Variants in KMT2B observed in about 807,000 individuals in gnomAD.
The protein encoded by KMT2B is lysine methyltransferase 2B.
A neutral mutation model predicts 255.3 loss-of-function variants in KMT2B; 22 were observed. That is an observed-to-expected ratio of 0.09 (90% CI 0.06 to 0.12). The LOEUF is 0.12. Ranked by LOEUF, KMT2B falls within the 10% of genes least tolerant of loss-of-function variation. The probability of loss-of-function intolerance (pLI) is 1.00; values close to 1 mark genes in which losing one functional copy is unlikely to be tolerated. For synonymous variants in KMT2B, 1,730 were observed against 1,498.1 expected (o/e 1.15, Z -3.57); for missense variants, 3,149 against 3,737.0 (o/e 0.84, Z 4.10).
Position 35,722,432 on chromosome 19 carries a change from C to G in KMT2B, c.2531C>G (p.Ser844Cys), listed in dbSNP as rs1276973211. ...ATCTCCGACAGAGGCCCTGTCCGGTCTGAAGATGAGTCGGTGGAAGCTAAG... is the reference window on the plus strand; with the variant it reads ...ATCTCCGACAGAGGCCCTGTCCGGTGTGAAGATGAGTCGGTGGAAGCTAAG... Reference protein sequence around the residue: ...KQISDRGPVRSEDESVEAKRE... With the variant: ...KQISDRGPVRCEDESVEAKRE... Residue 844 changes from serine to cysteine, a missense_variant, in exon 4 of 37, where the codon TCT becomes TGT. Ser to Cys is a moderately radical substitution (Grantham distance 112). Around this residue, in one of 18 missense-constraint regions of KMT2B, gnomAD observed 1,188 missense variants for 1,106.4 expected, o/e 1.07. Coordinates refer to ENST00000420124, the MANE Select transcript of KMT2B (RefSeq NM_014727.3). The G allele has an allele frequency of 4.3e-6, 7 of 1,610,480 alleles. No individual in the cohort carries two copies. Among genetic ancestry groups the G allele is most frequent in the Non-Finnish European group, 5.9e-6 (7 of 1,179,832 alleles).
In KMT2B at chr19:35,727,538, C is replaced by T. The variant is rs770838599; in HGVS notation, c.4218C>T (p.Ser1406=). 43 of 1,608,212 alleles carry T rather than the reference C, an allele frequency of 2.7e-5. No individual in the cohort carries two copies. The highest frequency in any genetic ancestry group is 4.0e-5 in the African/African-American group (3 of 74,892). Residue 1406 remains serine, a synonymous_variant, in exon 16 of 37, where the codon AGC becomes AGT. Transcript: ENST00000420124. The surrounding 1 kb of genome is among the most constrained non-coding windows in gnomAD (Gnocchi z 4.2). ...AAQPRWREAL[S]GALQGGLRQV... ...AGCCCCGCTGGCGAGAGGCCCTGAG[C>T]GGGGCCCTCCAGGGGGGCCTGCGCC...
At chr19:35,734,685 CTGATGGACTCCT>C (rs2146474685) in intron 30 of KMT2B, among the ~76,000 whole-genome samples, 1 of 152,270 alleles carries the variant, frequency 6.6e-6, no homozygotes, top group East Asian at 1.9e-4. Flanking sequence ...GGAGGCTTGG[CTGATGGACTCCT>C]TGAAGCTGGC....
rs887912561 is a variant in KMT2B, at chr19:35,733,392, G to A, written c.6843G>A (p.Val2281=). The change falls in exon 28 of 37, where the codon GTG becomes GTA. Residue 2281 remains valine (V), a synonymous_variant. Transcript: ENST00000420124. The surrounding 1 kb of genome is among the most constrained non-coding windows in gnomAD (Gnocchi z 4.3). The stretch of plus-strand genomic sequence containing the variant: ...GCCAGGCCATCCGCGTCAAGAGGGT[G>A]TCCACTTTCTCCGGCCGGTCCCCGC... ...PPRQAIRVKR[V]STFSGRSPPA... The A allele has an allele frequency of 5.2e-6, 8 of 1,550,222 alleles. No individual in the cohort carries two copies. The highest frequency in any genetic ancestry group is 5.2e-6 in the Non-Finnish European group (6 of 1,146,906).
rs1391340202 is a variant in KMT2B, at chr19:35,728,795, G to A, written c.4593G>A (p.Val1531=). The part of the protein sequence containing the change: ...RLPNGVLPNA[V]LPPSLDHVYA... Reference sequence around the variant, plus strand: ...ACAGCGGAGTCCTTCCCAATGCGGTGTTGCCCCCATCCCTGGATCATGTCT... The same window carrying A: ...ACAGCGGAGTCCTTCCCAATGCGGTATTGCCCCCATCCCTGGATCATGTCT... The change falls in exon 20 of 37, where the codon GTG becomes GTA. Residue 1531 remains valine, a synonymous_variant. Coordinates refer to ENST00000420124, the MANE Select transcript of KMT2B (RefSeq NM_014727.3). The A allele has an allele frequency of 6.2e-6, 10 of 1,613,912 alleles. No individual in the cohort carries two copies. The highest frequency in any genetic ancestry group is 4.4e-5 in the South Asian group (4 of 91,088).
In KMT2B at chr19:35,737,292, T is replaced by A; in HGVS notation, c.7550+29T>A. On this transcript the variant is annotated intron_variant, in intron 33 of 36. Coordinates refer to ENST00000420124, the MANE Select transcript of KMT2B (RefSeq NM_014727.3). This position sits in a 1 kb window ranked among gnomAD's most constrained non-coding sequence, Gnocchi z 5.3. ...AGAGGTCTGGGGTGTGATGCCTGGGTCAGGGCGCCCCTATGAGAGCTCTTG... is the reference window on the plus strand; with the variant it reads ...AGAGGTCTGGGGTGTGATGCCTGGGACAGGGCGCCCCTATGAGAGCTCTTG... 1 of 1,470,762 alleles carries A rather than the reference T, an allele frequency of 6.8e-7. No individual in the cohort carries two copies. Among genetic ancestry groups the A allele is most frequent in the Non-Finnish European group, 9.0e-7 (1 of 1,111,518 alleles). 91.1% of individuals were successfully genotyped at this position (1,470,762 alleles called of 1,614,324 possible).
rs557429530 is a variant in KMT2B at position 35,732,963 on chromosome 19, G to A, written c.6414G>A (p.Pro2138=). The change falls in exon 28 of 37, where the codon CCG becomes CCA. Residue 2138 remains proline (P), a synonymous_variant. Transcript: ENST00000420124. ...GCCCTAGAGAGGAGTCACTCCCCCC[G>A]GCGCCTCCCCTGGCTAATGGCAGCC... ...GAGPREESLP[P]APPLANGSQP... 8.1e-6 allele frequency: 13 copies of A among 1,604,800 alleles called. No homozygotes were observed. The highest frequency in any genetic ancestry group is 4.0e-5 in the African/African-American group (3 of 74,894).
At position 35,733,273 on chromosome 19, in the gene KMT2B, G is replaced by A. The variant is rs368273689; in HGVS notation, c.6724G>A (p.Val2242Met). ...TCTGCCCCCAGGCCCCCTCCTCGGC[G>A]TGCTGCCCGTGGTCGGAGTGGTCCG... ...WTLPPGPLLG[V>M]LPVVGVVRPA... Residue 2242 changes from valine to methionine, a missense_variant, in exon 28 of 37, where the codon GTG (valine) becomes ATG (methionine). This residue lies in a region of KMT2B where 897 missense variants were observed against 825.3 expected (regional missense o/e 1.09). Transcript: ENST00000420124. This position sits in a 1 kb window ranked among gnomAD's most constrained non-coding sequence, Gnocchi z 4.3. The A allele has an allele frequency of 4.8e-5, 71 of 1,470,160 alleles. No homozygotes were observed. Among genetic ancestry groups the A allele is most frequent in the Admixed American group, 1.2e-4 (6 of 49,180 alleles). 91.1% of individuals were successfully genotyped at this position (1,470,160 alleles called of 1,614,324 possible).
Position 35,733,427 on chromosome 19 carries a change from C to T in KMT2B, c.6878C>T (p.Pro2293Leu). The T allele has an allele frequency of 6.4e-7, 1 of 1,555,310 alleles. No homozygotes were observed. The highest frequency in any genetic ancestry group is 8.7e-7 in the Non-Finnish European group (1 of 1,149,694). The change falls in exon 28 of 37, where the codon CCC becomes CTC. Residue 2293 changes from proline (P) to leucine (L), a missense_variant. Pro to Leu is a moderately conservative substitution (Grantham distance 98). Around this residue, in one of 18 missense-constraint regions of KMT2B, gnomAD observed 897 missense variants for 825.3 expected, o/e 1.09. Coordinates refer to ENST00000420124, the MANE Select transcript of KMT2B (RefSeq NM_014727.3). This position sits in a 1 kb window ranked among gnomAD's most constrained non-coding sequence, Gnocchi z 4.3. ...TFSGRSPPAP[P>L]PYKAPRLDED... Reference sequence around the variant, plus strand: ...TCCGGCCGGTCCCCGCCAGCACCTCCCCCATACAAAGCCCCCCGGCTGGAT... The same window carrying T: ...TCCGGCCGGTCCCCGCCAGCACCTCTCCCATACAAAGCCCCCCGGCTGGAT...
Position 35,730,623 on chromosome 19 carries a change from G to A in KMT2B, c.5276+7G>A, listed in dbSNP as rs764651237. On this transcript the variant is annotated splice_region_variant and intron_variant, in intron 25 of 36. Coordinates refer to ENST00000420124, the MANE Select transcript of KMT2B (RefSeq NM_014727.3). ...TCTTCCCCATTGGCTACCAGTGAGC[G>A]GTCGGGGTGATCCATGGGGCCAGGG... 1.9e-5 allele frequency: 30 copies of A among 1,613,822 alleles called. No homozygotes were observed. Among genetic ancestry groups the A allele is most frequent in the East Asian group, 4.5e-5 (2 of 44,884 alleles).
At position 35,725,548 on chromosome 19, in the gene KMT2B, C is replaced by T. The variant is rs1259921278; in HGVS notation, c.3712C>T (p.Pro1238Ser). 1.2e-6 allele frequency: 2 copies of T among 1,610,970 alleles called. No individual in the cohort carries two copies. Among genetic ancestry groups the T allele is most frequent in the South Asian group, 1.1e-5 (1 of 91,090 alleles). The change falls in exon 12 of 37, where the codon CCC (proline) becomes TCC (serine). Residue 1238 changes from proline (P) to serine (S), a missense_variant. Pro to Ser is a moderately conservative substitution (Grantham distance 74). This residue lies in a region of KMT2B where 42 missense variants were observed against 121.0 expected (regional missense o/e 0.35). Transcript: ENST00000420124. This position sits in a 1 kb window ranked among gnomAD's most constrained non-coding sequence, Gnocchi z 4.1. ...FCLEEAERPL[P>S]QHHDTWCCRR... The stretch of plus-strand genomic sequence containing the variant: ...CCTGGAGGAGGCCGAGCGGCCCCTG[C>T]CCCAGCATCACGACACCTGGTGCTG...
chr19:35,719,504 C>A lies in KMT2B; in HGVS notation c.399C>A (p.Ala133=). The A allele has an allele frequency of 6.3e-7, 1 of 1,591,990 alleles. No homozygotes were observed. Residue 133 remains alanine (A), a synonymous_variant, in exon 2 of 37, where the codon GCC becomes GCA. Coordinates refer to ENST00000420124, the MANE Select transcript of KMT2B (RefSeq NM_014727.3). ...GTTTTCATTCAGATGAAGATGTGGCCCCCAGTTCCCTGCGCTCTGCGCTCC... is the reference window on the plus strand; with the variant it reads ...GTTTTCATTCAGATGAAGATGTGGCACCCAGTTCCCTGCGCTCTGCGCTCC... ...FQGFHSDEDV[A]PSSLRSALRS... is the part of the protein sequence containing the mutation.
Position 35,727,618 on chromosome 19 carries a change from C to T in KMT2B, c.4298C>T (p.Thr1433Ile), listed in dbSNP as rs901750753. Reference protein sequence around the residue: ...SKVVGPLLLCTQCGPDGKQLH... With the variant: ...SKVVGPLLLCIQCGPDGKQLH... ...GTGGTGGGCCCACTGCTGCTCTGCA[C>T]CCAGGTCTGGAGGGCCCTGGAGGCA... Residue 1433 changes from threonine (T) to isoleucine (I), a missense_variant, in exon 16 of 37, where the codon ACC becomes ATC. Transcript: ENST00000420124. The surrounding 1 kb of genome is among the most constrained non-coding windows in gnomAD (Gnocchi z 4.2). 3 of 1,609,038 alleles carry T rather than the reference C, an allele frequency of 1.9e-6. No individual in the cohort carries two copies. Among genetic ancestry groups the T allele is most frequent in the South Asian group, 1.1e-5 (1 of 90,968 alleles).
chr19:35,722,912 C>T, intron 5 of KMT2B, 83 bp from the exon 6 acceptor site: 2 of 1,452,470 alleles, frequency 1.4e-6, no homozygotes, highest in Non-Finnish European at 1.8e-6. Context: ...AAAGCGAGAG[C>T]CAGGTTGTGG....
chr19:35,729,687 CG>C (rs1175578685), intron 22 of KMT2B, among the ~76,000 whole-genome samples: 2 of 152,096 alleles, frequency 1.3e-5, no homozygotes, highest in African/African-American at 2.4e-5. Flanking sequence ...ATTCCCACTG[CG>C]GGGGTATCTG....
chr19:35,727,939 C>T lies in KMT2B; in HGVS notation c.4451C>T (p.Thr1484Ile), dbSNP rs780137103. The change falls in exon 18 of 37, where the codon ACC (threonine) becomes ATC (isoleucine). Residue 1484 changes from threonine to isoleucine, a missense_variant. Thr to Ile is a moderately conservative substitution (Grantham distance 89). Coordinates refer to ENST00000420124, the MANE Select transcript of KMT2B (RefSeq NM_014727.3). The surrounding 1 kb of genome is among the most constrained non-coding windows in gnomAD (Gnocchi z 4.2). ...ILMRHSEEGE[T>I]PDRRAGGQMK... ...ATGCGGCACTCGGAGGAGGGAGAGA[C>T]CCCGGACCGCCGGGCTGGAGGCCAG... 99 of 1,592,328 alleles carry T rather than the reference C, an allele frequency of 6.2e-5. No homozygotes were observed. The highest frequency in any genetic ancestry group is 8.3e-5 in the Non-Finnish European group (97 of 1,167,686).
Position 35,721,054 on chromosome 19 carries a change from C to T in KMT2B, c.1707C>T (p.Thr569=). The T allele has an allele frequency of 6.2e-7, 1 of 1,610,440 alleles. No homozygotes were observed. ...VSPVLRPPIT[T]SPPVPQEPAP... is the part of the protein sequence containing the mutation. Reference sequence around the variant, plus strand: ...CTGTCCTGCGACCTCCCATTACCACCTCCCCACCTGTTCCCCAGGAGCCAG... The same window carrying T: ...CTGTCCTGCGACCTCCCATTACCACTTCCCCACCTGTTCCCCAGGAGCCAG... The change falls in exon 3 of 37, where the codon ACC becomes ACT. Residue 569 remains threonine, a synonymous_variant. Coordinates refer to ENST00000420124, the MANE Select transcript of KMT2B (RefSeq NM_014727.3).
In KMT2B at chr19:35,732,768, G is replaced by A; in HGVS notation, c.6219G>A (p.Glu2073=). The stretch of plus-strand genomic sequence containing the variant: ...ACGACGGCACTGACAGTGAGGCTGA[G>A]GCGGTGCAGCAGCCTCGGGGCCAGG... ...GVDDGTDSEA[E]AVQQPRGQGT... is the part of the protein sequence containing the mutation. Residue 2073 remains glutamate, a synonymous_variant, in exon 28 of 37, where the codon GAG becomes GAA. Coordinates refer to ENST00000420124, the MANE Select transcript of KMT2B (RefSeq NM_014727.3). 1.9e-6 allele frequency: 3 copies of A among 1,609,502 alleles called. No individual in the cohort carries two copies. Among genetic ancestry groups the A allele is most frequent in the Non-Finnish European group, 2.5e-6 (3 of 1,178,510 alleles).
chr19:35,731,779 G>A, intron 26 of KMT2B, 129 bp from the exon 27 acceptor site: 1 of 738,198 alleles, frequency 1.4e-6, no homozygotes, highest in South Asian at 1.7e-5. Flanking sequence ...GTGGTCACTG[G>A]AAACTGGGGC....
chr19:35,723,245 G>A lies in KMT2B; in HGVS notation c.2973G>A (p.Gly991=), dbSNP rs1426528024. The A allele has an allele frequency of 6.2e-7, 1 of 1,613,102 alleles. No homozygotes were observed. Among genetic ancestry groups the A allele is most frequent in the Admixed American group, 1.7e-5 (1 of 60,002 alleles). The part of the protein sequence containing the change: ...CVNCLDKPKF[G]GPNTKKQCCV... Reference sequence around the variant, plus strand: ...ACTGCCTAGACAAGCCCAAGTTTGGGGGCCCTAACACCAAGAAGCAGTGCT... The same window carrying A: ...ACTGCCTAGACAAGCCCAAGTTTGGAGGCCCTAACACCAAGAAGCAGTGCT... Residue 991 remains glycine (G), a synonymous_variant, in exon 6 of 37, where the codon GGG becomes GGA. Transcript: ENST00000420124. This position sits in a 1 kb window ranked among gnomAD's most constrained non-coding sequence, Gnocchi z 7.5.
Sources: gnomAD v4.1 joint callset for allele counts (sites outside exome capture counted in the v4.1 genomes callset) on GRCh38, gnomAD v4.1.1 for gene constraint, gnomAD v4.1.1 regional missense constraint, Gnocchi (gnomAD v3.1) non-coding constraint, MANE v1.5 for transcripts, NCBI Gene and HGNC (gene_info 2026-07-23, HGNC 2026-07-21) for gene names.